Variants in PGGT1B observed in about 807,000 individuals in gnomAD.
PGGT1B encodes protein geranylgeranyltransferase type I subunit beta.
A neutral mutation model predicts 46.1 loss-of-function variants in PGGT1B; 30 were observed. The observed-to-expected ratio is 0.65, with a 90% confidence interval of 0.49 to 0.88. The LOEUF (loss-of-function observed/expected upper bound fraction) is 0.88. Ranked by LOEUF, PGGT1B falls within the 40% of genes least tolerant of loss-of-function variation. The probability of loss-of-function intolerance (pLI) is 0.00; values close to 1 mark genes in which losing one functional copy is unlikely to be tolerated. For synonymous variants in PGGT1B, 170 were observed against 160.0 expected, an observed-to-expected ratio of 1.06 and a Z score of -0.47; for missense variants, 376 against 455.9, an observed-to-expected ratio of 0.82 and a Z score of 1.60.
At chr5:115,256,008 A>G (rs577372399) in intron 1 of PGGT1B, among the ~76,000 whole-genome samples, 78 of 152,288 alleles carry the variant, frequency 5.1e-4, no homozygotes, top group African/African-American at 1.9e-3. Context: ...CTATGGGTGT[A>G]AGGTGGGGTC....
intron 8 of PGGT1B, among the ~76,000 whole-genome samples, chr5:115,213,344 T>A (rs1242429653): frequency 1.3e-5 from 2 of 152,218 alleles, no homozygotes; most frequent in East Asian, 3.8e-4. Context: ...CATTCCTGCC[T>A]AGGAGTCTTA....
At chr5:115,225,687 C>G (rs1473975056) in intron 6 of PGGT1B, among the ~76,000 whole-genome samples, 1 of 151,290 alleles carries the variant, frequency 6.6e-6, no homozygotes, top group Non-Finnish European at 1.5e-5. Context: ...GCTCTGTCAC[C>G]CAGGCTGGAG....
At position 115,204,617 on chromosome 5, in the gene PGGT1B, A is replaced by T; in HGVS notation, c.*7785T>A. 1 of 152,146 alleles carries T rather than the reference A, an allele frequency of 6.6e-6. No individual in the cohort carries two copies. Among genetic ancestry groups the T allele is most frequent in the East Asian group, 1.9e-4 (1 of 5,206 alleles). The allele number at this position is 152,146 out of a possible 1,614,324, so 9.4% of individuals were successfully genotyped here. A position where few individuals can be genotyped will look rare whatever the true frequency, so the allele number is the denominator to read the frequency against. The stretch of plus-strand genomic sequence containing the variant: ...ATCCGGTGTCACAAAGGATATGAGG[A>T]AACAGGCACTCTCATACCTTGTTGT... On this transcript the variant is annotated 3_prime_UTR_variant, in exon 9 of 9. Coordinates refer to ENST00000419445, the MANE Select transcript of PGGT1B (RefSeq NM_005023.4).
rs139267326 is a variant in PGGT1B at position 115,236,283 on chromosome 5, C to A, written c.612+107G>T. On this transcript the variant is annotated intron_variant, in intron 5 of 8. Transcript: ENST00000419445. ...AATTTACCAAAAAGCAATCTTAATGCTCTTATTTACAAATTGTTGGCGGAA... is the reference window on the plus strand; with the variant it reads ...AATTTACCAAAAAGCAATCTTAATGATCTTATTTACAAATTGTTGGCGGAA... The A allele has an allele frequency of 3.0e-3, 2,399 of 793,818 alleles. 85 individuals carry two copies. In the Admixed American group the frequency reaches 0.057, roughly 19 times the overall value. 49.2% of individuals were successfully genotyped at this position (793,818 alleles called of 1,614,324 possible).
chr5:115,212,500 C>A lies in PGGT1B; in HGVS notation c.1036G>T (p.Val346Leu). Reference sequence around the variant, plus strand: ...AGGCGTTCAGAAGTCCGTGTGCTTACATTCAGAGCAGGATGAACTTTACAA... The same window carrying A: ...AGGCGTTCAGAAGTCCGTGTGCTTAAATTCAGAGCAGGATGAACTTTACAA... ...GICKVHPALN[V>L]STRTSERLLD... The change falls in exon 9 of 9, where the codon GTA becomes TTA. Residue 346 changes from valine to leucine, a missense_variant. Transcript: ENST00000419445. The A allele has an allele frequency of 6.2e-7, 1 of 1,613,518 alleles. No homozygotes were observed. Among genetic ancestry groups the A allele is most frequent in the Non-Finnish European group, 8.5e-7 (1 of 1,179,594 alleles).
intron 2 of PGGT1B, among the ~76,000 whole-genome samples, chr5:115,242,995 T>C (rs72813833): frequency 0.041 from 6,218 of 152,164 alleles, 130 homozygotes; most frequent in South Asian, 0.058. Flanking sequence ...ATGGTGATTA[T>C]GATTTCAGTG....
chr5:115,231,056 A>AAATAAT (rs751821587), intron 5 of PGGT1B, 35 bp from the exon 6 acceptor site: 61 of 1,097,024 alleles, frequency 5.6e-5, no homozygotes, highest in Non-Finnish European at 5.9e-5. Context: ...TTTAATAGGG[A>AAATAAT]AATAATAATA....
At chr5:115,248,948 T>A (rs1747973623) in intron 2 of PGGT1B, among the ~76,000 whole-genome samples, 2 of 152,196 alleles carry the variant, frequency 1.3e-5, no homozygotes, top group Admixed American at 1.3e-4. Flanking sequence ...AGCAAAAATA[T>A]CAGTATTTAC....
At chr5:115,232,634 A>C (rs1015116670) in intron 5 of PGGT1B, among the ~76,000 whole-genome samples, 1 of 152,062 alleles carries the variant, frequency 6.6e-6, no homozygotes, top group Non-Finnish European at 1.5e-5. Flanking sequence ...CAAAAATTTT[A>C]AAGGTCATAA....
At chr5:115,260,731 G>A (rs1748520496) in intron 1 of PGGT1B, among the ~76,000 whole-genome samples, 2 of 151,986 alleles carry the variant, frequency 1.3e-5, no homozygotes, top group African/African-American at 4.8e-5. Flanking sequence ...AGACAAAAAA[G>A]GATACAATAT....
intron 8 of PGGT1B, among the ~76,000 whole-genome samples, chr5:115,214,856 G>T (rs1486446395): frequency 6.6e-6 from 1 of 152,196 alleles, no homozygotes; most frequent in Non-Finnish European, 1.5e-5. Context: ...ATGGAATGAA[G>T]ACCAAAATAA....
At chr5:115,262,455 C>A (rs1748602229) in intron 1 of PGGT1B, 1 of 504,158 alleles carries the variant, frequency 2.0e-6, no homozygotes, top group Non-Finnish European at 3.6e-6. Flanking sequence ...AAAAAAGCAG[C>A]TCAGAGTTGC....
chr5:115,259,628 G>T (rs542469913), intron 1 of PGGT1B, among the ~76,000 whole-genome samples: 1 of 145,886 alleles, frequency 6.9e-6, no homozygotes, highest in South Asian at 2.2e-4. Context: ...GGCGGAGGCT[G>T]CAGTGAGGAG....
At chr5:115,214,829 C>G (rs1756363491) in intron 8 of PGGT1B, among the ~76,000 whole-genome samples, 1 of 152,192 alleles carries the variant, frequency 6.6e-6, no homozygotes, top group Non-Finnish European at 1.5e-5. Flanking sequence ...AAACAGTACC[C>G]TGCACTGGTT....
intron 7 of PGGT1B, among the ~76,000 whole-genome samples, chr5:115,218,293 A>G (rs1756481273): frequency 6.6e-6 from 1 of 151,222 alleles, no homozygotes. Flanking sequence ...TTGCCTTCAG[A>G]AAGCTGTCAA....
At chr5:115,257,530 C>CAAAAAAAAAA (rs1169870044) in intron 1 of PGGT1B, among the ~76,000 whole-genome samples, 1 of 72,110 alleles carries the variant, frequency 1.4e-5, no homozygotes, top group Non-Finnish European at 2.6e-5. Context: ...AACTCCATCT[C>CAAAAAAAAAA]AAAAAAAAAA....
intron 6 of PGGT1B, among the ~76,000 whole-genome samples, chr5:115,227,724 A>G (rs11960213): frequency 2.6e-5 from 4 of 152,022 alleles, no homozygotes; most frequent in Admixed American, 1.3e-4. Flanking sequence ...GTATAAAATC[A>G]TATTTCTATT....
chr5:115,227,751 A>C (rs10045548), intron 6 of PGGT1B, among the ~76,000 whole-genome samples: 55,038 of 152,096 alleles, frequency 0.36, 10,620 homozygotes, highest in Non-Finnish European at 0.44. Context: ...TTTATTCTTT[A>C]ATACTCATAG....
At chr5:115,258,239 T>C (rs1412081178) in intron 1 of PGGT1B, among the ~76,000 whole-genome samples, 1 of 152,176 alleles carries the variant, frequency 6.6e-6, no homozygotes, top group Non-Finnish European at 1.5e-5. Context: ...AACTGGCTCC[T>C]TTTGCCTTTT....
Sources: gnomAD v4.1 joint callset for allele counts (sites outside exome capture counted in the v4.1 genomes callset) on GRCh38, gnomAD v4.1.1 for gene constraint, MANE v1.5 for transcripts, NCBI Gene and HGNC (gene_info 2026-07-23, HGNC 2026-07-21) for gene names.